CTNNBIP1: variants seen among roughly 807,000 people sequenced by gnomAD.
CTNNBIP1 encodes beta-catenin-interacting protein 1.
Under a neutral mutation model 11.8 loss-of-function variants are expected in CTNNBIP1, and 7 were observed. The ratio of observed to expected loss-of-function variants is 0.60; its 90% CI spans 0.34 to 1.12. CTNNBIP1 has a LOEUF of 1.12. CTNNBIP1 is among the 50% of genes most tolerant of loss of function. The pLI, the probability that CTNNBIP1 is intolerant of heterozygous loss-of-function variation, is 0.03. For missense variants in CTNNBIP1, 101 were observed against 113.4 expected (o/e 0.89, Z 0.50); for synonymous variants, 58 against 43.9 (o/e 1.32, Z -1.26).
At chr1:9,901,586 C>A (rs992596121) in intron 1 of CTNNBIP1, among the ~76,000 whole-genome samples, 1 of 152,000 alleles carries the variant, frequency 6.6e-6, no homozygotes, top group African/African-American at 2.4e-5. Flanking sequence ...GGGTGCTACT[C>A]GGGCCTGAAA....
At chr1:9,877,594 A>G (rs903359390) in intron 3 of CTNNBIP1, among the ~76,000 whole-genome samples, 2 of 152,220 alleles carry the variant, frequency 1.3e-5, no homozygotes, top group African/African-American at 2.4e-5. Context: ...AAAATGTACA[A>G]TTTACACTTT....
intron 3 of CTNNBIP1, among the ~76,000 whole-genome samples, chr1:9,876,290 G>T (rs900860335): frequency 1.3e-5 from 2 of 152,062 alleles, no homozygotes; most frequent in African/African-American, 4.8e-5. Flanking sequence ...TCTATTAGCT[G>T]CCCAAGTCAG....
Position 9,872,590 on chromosome 1 carries a change from C to A in CTNNBIP1, c.-24-502G>T, listed in dbSNP as rs1049824397. On this transcript the variant is annotated intron_variant, in intron 3 of 5. Transcript: ENST00000377263. The surrounding 1 kb of genome is among the most constrained non-coding windows in gnomAD (Gnocchi z 4.0). The stretch of plus-strand genomic sequence containing the variant: ...CCCCCAAACACTGAGACAGCTCCCT[C>A]GGCAAAAGCCCCTGACAAGTTTAAG... Among the ~76,000 whole-genome samples, 11 of 152,234 alleles carry A rather than the reference C, an allele frequency of 7.2e-5. No individual in the cohort carries two copies. Among genetic ancestry groups the A allele is most frequent in the Non-Finnish European group, 1.6e-4 (11 of 68,040 alleles).
At chr1:9,903,383 A>G (rs1171696688) in intron 1 of CTNNBIP1, among the ~76,000 whole-genome samples, 1 of 152,204 alleles carries the variant, frequency 6.6e-6, no homozygotes, top group African/African-American at 2.4e-5. Context: ...ACTACAACAC[A>G]ACCATGAAAA....
chr1:9,871,615 C>T lies in CTNNBIP1; in HGVS notation c.97-338G>A, dbSNP rs1454860706. ...TTTTTGAGAAATACCCCTGCACATG[C>T]ATGCCTGCTGCCCCCTCAGCTCCTG... is the stretch of plus-strand genomic sequence containing the variant. On this transcript the variant is annotated intron_variant, in intron 4 of 5. Transcript: ENST00000377263. This position sits in a 1 kb window ranked among gnomAD's most constrained non-coding sequence, Gnocchi z 5.2. Among the ~76,000 whole-genome samples the T allele has an allele frequency of 6.6e-6, 1 of 152,200 alleles. No individual in the cohort carries two copies. The highest frequency in any genetic ancestry group is 1.5e-5 in the Non-Finnish European group (1 of 68,028).
At position 9,850,642 on chromosome 1, in the gene CTNNBIP1, G is replaced by T; in HGVS notation, c.*76C>A. On this transcript the variant is annotated 3_prime_UTR_variant, in exon 6 of 6. Coordinates refer to ENST00000377263, the MANE Select transcript of CTNNBIP1 (RefSeq NM_020248.3). ...GGGAGGTGGGGCAAGGGGGGCTGCT[G>T]CCACTCAGCCGGCCCAGGAGCCACA... 7.2e-7 allele frequency: 1 copy of T among 1,390,128 alleles called. No homozygotes were observed. The highest frequency in any genetic ancestry group is 1.4e-5 in the African/African-American group (1 of 70,616). The allele number at this position is 1,390,128 out of a possible 1,614,324, so 86.1% of individuals were successfully genotyped here. A position where few individuals can be genotyped will look rare whatever the true frequency, so the allele number is the denominator to read the frequency against.
At position 9,852,554 on chromosome 1, in the gene CTNNBIP1, C is replaced by T. The variant is rs139101101; in HGVS notation, c.188-1778G>A. Among the ~76,000 whole-genome samples the T allele has an allele frequency of 4.1e-3, 618 of 152,308 alleles. 6 individuals are homozygous for T. Among genetic ancestry groups the T allele is most frequent in the African/African-American group, 0.014 (592 of 41,574 alleles). On this transcript the variant is annotated intron_variant, in intron 5 of 5. Coordinates refer to ENST00000377263, the MANE Select transcript of CTNNBIP1 (RefSeq NM_020248.3). ...TGTTTTCGCCTGAGCCCTAGGACCA[C>T]GCAATATCACTGCAGGCAGAATTTT...
rs187270380 is a variant in CTNNBIP1, at chr1:9,892,379, G to A, written c.-143-8641C>T. 6.6e-3 allele frequency among the ~76,000 whole-genome samples: 982 copies of A among 148,112 alleles called. 13 individuals carry two copies. Among genetic ancestry groups the A allele is most frequent in the African/African-American group, 0.023 (919 of 40,106 alleles). The stretch of plus-strand genomic sequence containing the variant: ...AGAGCTTGGAGTGAGCCGAGATCGC[G>A]CCACTGCATTCCAGCCTGGGGGACA... On this transcript the variant is annotated intron_variant, in intron 1 of 5. Transcript: ENST00000377263.
At chr1:9,865,724 A>C (rs1638730490) in intron 5 of CTNNBIP1, among the ~76,000 whole-genome samples, 2 of 152,246 alleles carry the variant, frequency 1.3e-5, no homozygotes, top group African/African-American at 4.8e-5. Flanking sequence ...GAACTTAACA[A>C]AGGGTAAGAG....
At chr1:9,857,229 C>A (rs1478384858) in intron 5 of CTNNBIP1, among the ~76,000 whole-genome samples, 1 of 149,792 alleles carries the variant, frequency 6.7e-6, no homozygotes, top group Non-Finnish European at 1.5e-5. Flanking sequence ...GCCTGTAATC[C>A]CAGCACTTTG....
chr1:9,871,161 C>T lies in CTNNBIP1; in HGVS notation c.187+26G>A. 7 of 1,536,008 alleles carry T rather than the reference C, an allele frequency of 4.6e-6. No homozygotes were observed. The highest frequency in any genetic ancestry group is 4.4e-6 in the Non-Finnish European group (5 of 1,136,588). ...GGTGCCCCTGGGACTTGTGCCACTG[C>T]CCCAGCCCCTCTGCCGCCAACTCAC... is the stretch of plus-strand genomic sequence containing the variant. On this transcript the variant is annotated intron_variant, in intron 5 of 5. Coordinates refer to ENST00000377263, the MANE Select transcript of CTNNBIP1 (RefSeq NM_020248.3). This position sits in a 1 kb window ranked among gnomAD's most constrained non-coding sequence, Gnocchi z 5.2.
intron 3 of CTNNBIP1, among the ~76,000 whole-genome samples, chr1:9,876,845 T>TACACACACACACACACACAC: frequency 1.4e-5 from 2 of 138,210 alleles, no homozygotes; most frequent in African/African-American, 2.6e-5. Context: ...CTGCTATACA[T>TACACACACACACACACACAC]ACACACACAC....
chr1:9,892,128 T>C (rs907550487), intron 1 of CTNNBIP1, among the ~76,000 whole-genome samples: 1 of 151,964 alleles, frequency 6.6e-6, no homozygotes, highest in Admixed American at 6.6e-5. Flanking sequence ...CTTTAAAAGA[T>C]TAGCTGGGTG....
chr1:9,908,600 G>A (rs111945578), intron 1 of CTNNBIP1, among the ~76,000 whole-genome samples: 33 of 152,042 alleles, frequency 2.2e-4, no homozygotes, highest in African/African-American at 7.7e-4. Flanking sequence ...CTAACCTCGT[G>A]ATCCGCCCGC....
At chr1:9,891,494 T>C (rs1639298627) in intron 1 of CTNNBIP1, among the ~76,000 whole-genome samples, 1 of 152,126 alleles carries the variant, frequency 6.6e-6, no homozygotes, top group Non-Finnish European at 1.5e-5. Context: ...TGGTGAGGAT[T>C]AGGTCATTAA....
At chr1:9,866,791 G>A (rs541326649) in intron 5 of CTNNBIP1, among the ~76,000 whole-genome samples, 3 of 152,128 alleles carry the variant, frequency 2.0e-5, no homozygotes, top group South Asian at 4.2e-4. Flanking sequence ...ATGGGAAGTC[G>A]AGATGCCAGA....
At chr1:9,907,532 A>G (rs891043495) in intron 1 of CTNNBIP1, among the ~76,000 whole-genome samples, 1 of 152,172 alleles carries the variant, frequency 6.6e-6, no homozygotes, top group Non-Finnish European at 1.5e-5. Context: ...TACCATGAGA[A>G]CAGGCCCAAT....
chr1:9,889,152 T>A (rs1639245270), intron 1 of CTNNBIP1, among the ~76,000 whole-genome samples: 1 of 152,022 alleles, frequency 6.6e-6, no homozygotes, highest in Non-Finnish European at 1.5e-5. Flanking sequence ...GGAGACAGCT[T>A]CCCCAGGACC....
intron 1 of CTNNBIP1, among the ~76,000 whole-genome samples, chr1:9,889,603 G>A (rs1639257084): frequency 6.6e-6 from 1 of 152,166 alleles, no homozygotes; most frequent in Non-Finnish European, 1.5e-5. Flanking sequence ...CTCGAGGCCT[G>A]TGTCTGCACA....
Sources: gnomAD v4.1 joint callset for allele counts (sites outside exome capture counted in the v4.1 genomes callset) on GRCh38, gnomAD v4.1.1 for gene constraint, Gnocchi (gnomAD v3.1) non-coding constraint, MANE v1.5 for transcripts, NCBI Gene and HGNC (gene_info 2026-07-23, HGNC 2026-07-21) for gene names.